Variants in VWDE observed in about 807,000 individuals in gnomAD.
VWDE encodes von Willebrand factor D and EGF domain-containing protein.
A neutral mutation model predicts 178.4 loss-of-function variants in VWDE; 207 were observed. That is an observed-to-expected ratio of 1.16 (90% CI 1.04 to 1.30). VWDE has a LOEUF of 1.30. Ranked by LOEUF, VWDE falls within the 50% of genes most tolerant of loss-of-function variation. The pLI is 0.00. For missense variants in VWDE, 2,287 were observed against 1,901.3 expected, an observed-to-expected ratio of 1.20 and a Z score of -3.77; for synonymous variants, 738 against 651.4, an observed-to-expected ratio of 1.13 and a Z score of -2.02.
At chr7:12,343,727 C>T (rs1781450525) in intron 21 of VWDE, among the ~76,000 whole-genome samples, 1 of 151,998 alleles carries the variant, frequency 6.6e-6, no homozygotes, top group Non-Finnish European at 1.5e-5. Flanking sequence ...ATAAATTTTC[C>T]GCTTAAGATT....
At chr7:12,362,841 A>G (rs1782661048) in intron 13 of VWDE, among the ~76,000 whole-genome samples, 1 of 152,090 alleles carries the variant, frequency 6.6e-6, no homozygotes. Context: ...TCCCTCTTGT[A>G]GAAGAAGAAT....
intron 21 of VWDE, among the ~76,000 whole-genome samples, chr7:12,343,699 C>T (rs1414233310): frequency 4.6e-5 from 7 of 152,094 alleles, no homozygotes; most frequent in Non-Finnish European, 1.0e-4. Context: ...GTATCATCCA[C>T]TTTAGGAATG....
In VWDE at chr7:12,375,017, C is replaced by T. The variant is rs1783439166; in HGVS notation, c.1235G>A (p.Ser412Asn). The change falls in exon 8 of 29, where the codon AGC (serine) becomes AAC (asparagine). Residue 412 changes from serine (S) to asparagine (N), a missense_variant. Transcript: ENST00000275358. ...GTGTTGTAATTTGTCAACCTGGATG[C>T]TGTCTGGAATGTAGTTGTTCCACAG... ...DFLWNNYIPD[S>N]IQIKVKDVPT... is the part of the protein sequence containing the mutation. 1.3e-6 allele frequency: 2 copies of T among 1,550,728 alleles called. No individual in the cohort carries two copies. The highest frequency in any genetic ancestry group is 1.2e-5 in the South Asian group (1 of 84,030).
chr7:12,402,844 T>C (rs1230708627), intron 1 of VWDE, among the ~76,000 whole-genome samples: 2 of 152,166 alleles, frequency 1.3e-5, no homozygotes, highest in East Asian at 1.9e-4. Context: ...GACAAAACTA[T>C]ACCCTGGACT....
At position 12,356,117 on chromosome 7, in the gene VWDE, G is replaced by T. The variant is rs140416621; in HGVS notation, c.3739C>A (p.Leu1247Ile). 14 of 1,550,948 alleles carry T rather than the reference G, an allele frequency of 9.0e-6. No homozygotes were observed. In the African/African-American group the frequency reaches 1.2e-4, roughly 14 times the overall value. ...HSYSCDCPPELKVETQFVNQF... is the reference protein window; with the variant it reads ...HSYSCDCPPEIKVETQFVNQF... ...ATGAGGAGCAAAATCTTACCTTTGA[G>T]CTCAGGTGGACAATCACAGGAATAA... The change falls in exon 18 of 29, where the codon CTC (leucine) becomes ATC (isoleucine). Residue 1247 changes from leucine (L) to isoleucine (I), a missense_variant. Physicochemically the swap from Leu to Ile is conservative, Grantham distance 5. Coordinates refer to ENST00000275358, the MANE Select transcript of VWDE (RefSeq NM_001135924.3).
At position 12,333,577 on chromosome 7, in the gene VWDE, C is replaced by T; in HGVS notation, c.4655-9G>A. On this transcript the variant is annotated splice_polypyrimidine_tract_variant and intron_variant, in intron 27 of 28. Coordinates refer to ENST00000275358, the MANE Select transcript of VWDE (RefSeq NM_001135924.3). ...TTTTGGGTTGCAAATTGCTGCAATA[C>T]ACAAATTTTTACAATGACCATCCTT... 6.5e-7 allele frequency: 1 copy of T among 1,538,466 alleles called. No individual in the cohort carries two copies. The highest frequency in any genetic ancestry group is 8.8e-7 in the Non-Finnish European group (1 of 1,135,190).
At position 12,393,759 on chromosome 7, in the gene VWDE, C is replaced by A. The variant is rs1378060065; in HGVS notation, c.78G>T (p.Gly26=). ...AAGGACTCCGAAGAAACTGGTGTCC[C>A]CCAGGAGAGCACTCCTGAGCTAGTA... ...AWGEAQECSP[G]GHQFLRSPYR... The change falls in exon 2 of 29, where the codon GGG becomes GGT. Residue 26 remains glycine (G), a synonymous_variant. Transcript: ENST00000275358. 1.3e-6 allele frequency: 2 copies of A among 1,549,622 alleles called. No individual in the cohort carries two copies. The highest frequency in any genetic ancestry group is 2.0e-5 in the Admixed American group (1 of 50,772).
intron 13 of VWDE, 25 bp from the exon 14 acceptor site, chr7:12,361,546 T>A: frequency 6.7e-7 from 1 of 1,490,388 alleles, no homozygotes; most frequent in Non-Finnish European, 8.9e-7. Flanking sequence ...AGAAAAAAAT[T>A]AACCTCTGTT....
intron 5 of VWDE, among the ~76,000 whole-genome samples, chr7:12,380,170 T>A (rs1783765487): frequency 6.6e-6 from 1 of 151,498 alleles, no homozygotes; most frequent in Non-Finnish European, 1.5e-5. Context: ...TTTTCTAGAA[T>A]AAACGTATAT....
chr7:12,343,717 A>T lies in VWDE; in HGVS notation c.4078+478T>A, dbSNP rs1050590468. On this transcript the variant is annotated intron_variant, in intron 21 of 28. Transcript: ENST00000275358. ...TCATCCACTTTAGGAATGCTATTTC[A>T]TAAATTTTCCGCTTAAGATTTAAAC... Among the ~76,000 whole-genome samples, 3 of 152,186 alleles carry T rather than the reference A, an allele frequency of 2.0e-5. No homozygotes were observed. The South Asian group carries it at 6.2e-4, about 31-fold the overall frequency.
chr7:12,344,106 G>C, intron 21 of VWDE, 89 bp downstream of exon 21: 1 of 1,085,382 alleles, frequency 9.2e-7, no homozygotes, highest in Non-Finnish European at 1.3e-6. Context: ...TATATACACA[G>C]TAAAACTGAA....
intron 12 of VWDE, among the ~76,000 whole-genome samples, chr7:12,368,917 G>C (rs1783004609): frequency 2.0e-5 from 3 of 152,106 alleles, no homozygotes; most frequent in Admixed American, 2.0e-4. Context: ...TTAATGTGAG[G>C]AATTTACTAA....
In VWDE at chr7:12,367,499, G is replaced by T; in HGVS notation, c.2762-6C>A. ...TGTAATTTCAGGAGCTTTGTCTTTG[G>T]AAAAAAAATATAACAAATACTACAT... is the stretch of plus-strand genomic sequence containing the variant. On this transcript the variant is annotated splice_polypyrimidine_tract_variant and splice_region_variant and intron_variant, in intron 12 of 28. Coordinates refer to ENST00000275358, the MANE Select transcript of VWDE (RefSeq NM_001135924.3). The T allele has an allele frequency of 6.8e-7, 1 of 1,461,596 alleles. No individual in the cohort carries two copies. The highest frequency in any genetic ancestry group is 9.0e-7 in the Non-Finnish European group (1 of 1,106,522). The allele number at this position is 1,461,596 out of a possible 1,614,324, so 90.5% of individuals were successfully genotyped here.
intron 18 of VWDE, 63 bp from the exon 19 acceptor site, chr7:12,351,776 A>G: frequency 7.1e-7 from 1 of 1,401,322 alleles, no homozygotes; most frequent in African/African-American, 1.5e-5. Context: ...AGCACCACAA[A>G]TAAGAATATA....
intron 18 of VWDE, 111 bp from the exon 19 acceptor site, chr7:12,351,824 GACTGAATAACTC>G (rs1401507831): frequency 1.1e-6 from 1 of 909,922 alleles, no homozygotes; most frequent in African/African-American, 1.7e-5. Context: ...CTGCAAATTA[GACTGAATAACTC>G]ACTTAAATGT....
intron 4 of VWDE, among the ~76,000 whole-genome samples, 175 bp from the exon 5 acceptor site, chr7:12,380,908 T>C (rs184855321): frequency 6.6e-6 from 1 of 152,296 alleles, no homozygotes; most frequent in African/African-American, 2.4e-5. Context: ...TTCTGGCCCA[T>C]AATCACACAA....
At chr7:12,374,812 T>G in intron 8 of VWDE, 50 bp from the exon 9 acceptor site, 1 of 1,258,386 alleles carries the variant, frequency 7.9e-7, no homozygotes, top group Non-Finnish European at 1.1e-6. Context: ...TTATATTTAG[T>G]GATATATAAA....
intron 15 of VWDE, among the ~76,000 whole-genome samples, chr7:12,360,692 G>A (rs2128553091): frequency 6.6e-6 from 1 of 152,240 alleles, no homozygotes; most frequent in African/African-American, 2.4e-5. Context: ...CTGCTGTTCT[G>A]TAATCCATCA....
At chr7:12,374,825 A>C in intron 8 of VWDE, 63 bp from the exon 9 acceptor site, 2 of 1,196,544 alleles carry the variant, frequency 1.7e-6, no homozygotes, top group Non-Finnish European at 2.3e-6. Flanking sequence ...TATATAAAAA[A>C]TTGCTTAGCA....
Sources: gnomAD v4.1 joint callset for allele counts (sites outside exome capture counted in the v4.1 genomes callset) on GRCh38, gnomAD v4.1.1 for gene constraint, MANE v1.5 for transcripts, NCBI Gene and HGNC (gene_info 2026-07-23, HGNC 2026-07-21) for gene names.